The following ITSN1 variants were observed in gnomAD, a reference collection of about 807,000 sequenced individuals.
ITSN1 encodes intersectin-1.
A neutral mutation model predicts 239.8 loss-of-function variants in ITSN1; 58 were observed. The ratio of observed to expected loss-of-function variants is 0.24; its 90% confidence interval spans 0.20 to 0.30. The LOEUF (loss-of-function observed/expected upper bound fraction) is 0.30, where lower values mean the gene tolerates loss of function less well. Ranked by LOEUF, ITSN1 falls within the 10% of genes least tolerant of loss-of-function variation. The pLI is 1.00. For synonymous variants in ITSN1, 780 were observed against 770.8 expected, an observed-to-expected ratio of 1.01 and a Z score of -0.20; for missense variants, 1,558 against 2,103.3, an observed-to-expected ratio of 0.74 and a Z score of 5.07.
intron 5 of ITSN1, among the ~76,000 whole-genome samples, chr21:33,742,745 A>G (rs914167206): frequency 6.6e-6 from 1 of 152,200 alleles, no homozygotes; most frequent in East Asian, 1.9e-4. Flanking sequence ...TACAAAGGAA[A>G]GAGATGGTCC....
At chr21:33,838,063 A>G in intron 29 of ITSN1, 1 of 985,846 alleles carries the variant, frequency 1.0e-6, no homozygotes, top group Non-Finnish European at 1.2e-6. Context: ...TAGACTGTGG[A>G]ATTTCTACAG....
chr21:33,783,363 T>A lies in ITSN1; in HGVS notation c.1824+1230T>A, dbSNP rs147757402. 1.9e-3 allele frequency among the ~76,000 whole-genome samples: 292 copies of A among 152,334 alleles called. 1 individual carries two copies. The highest frequency in any genetic ancestry group is 6.1e-3 in the African/African-American group (254 of 41,578). ...TGTCTAGACATCTGAGTTTGAGGTA[T>A]GTGTGCTGTTCTTTCAGAGTATTAG... On this transcript the variant is annotated intron_variant, in intron 16 of 39. Coordinates refer to ENST00000381318, the MANE Select transcript of ITSN1 (RefSeq NM_003024.3).
chr21:33,834,523 G>A (rs917102752), intron 28 of ITSN1, 99 bp downstream of exon 28: 28 of 843,726 alleles, frequency 3.3e-5, no homozygotes, highest in Non-Finnish European at 5.1e-5. Context: ...TTTTTCACAT[G>A]TGCTTTAAAG....
chr21:33,776,955 C>G (rs2069682529), intron 14 of ITSN1, among the ~76,000 whole-genome samples: 1 of 151,584 alleles, frequency 6.6e-6, no homozygotes, highest in Non-Finnish European at 1.5e-5. Flanking sequence ...GGTGTTCATG[C>G]TTTTTATGTT....
At position 33,894,316 on chromosome 21, in the gene ITSN1, T is replaced by C. The variant is rs1291995552; in HGVS notation, c.*6016T>C. The C allele has an allele frequency of 1.3e-5, 2 of 152,222 alleles. No homozygotes were observed. The highest frequency in any genetic ancestry group is 6.5e-5 in the Admixed American group (1 of 15,278). The allele number at this position is 152,222 out of a possible 1,614,324, so 9.4% of individuals were successfully genotyped here. ...CTTTACCCTGGCCCTGGGGGAGCCA[T>C]ATTACACCCACATCATAATTTTTCT... On this transcript the variant is annotated 3_prime_UTR_variant, in exon 40 of 40. Transcript: ENST00000381318.
chr21:33,775,428 G>C (rs1475682514), intron 14 of ITSN1, among the ~76,000 whole-genome samples: 1 of 152,214 alleles, frequency 6.6e-6, no homozygotes, highest in African/African-American at 2.4e-5. Flanking sequence ...AGTGTGTACT[G>C]TATTAGAAGA....
At chr21:33,830,900 G>T (rs188653451) in intron 27 of ITSN1, among the ~76,000 whole-genome samples, 3,898 of 150,678 alleles carry the variant, frequency 0.026, 43 homozygotes, top group Middle Eastern at 0.065. Flanking sequence ...AGAAGAGGGT[G>T]GGGGGGGAGG....
chr21:33,772,551 T>G (rs1167554216), intron 12 of ITSN1, among the ~76,000 whole-genome samples: 2 of 152,220 alleles, frequency 1.3e-5, no homozygotes, highest in African/African-American at 4.8e-5. Context: ...GCTCCTATCA[T>G]TAATTTTACT....
chr21:33,781,524 C>A lies in ITSN1; in HGVS notation c.1660C>A (p.Gln554Lys). 6.3e-7 allele frequency: 1 copy of A among 1,581,790 alleles called. No individual in the cohort carries two copies. The highest frequency in any genetic ancestry group is 8.6e-7 in the Non-Finnish European group (1 of 1,161,358). ...EKQILNDQLKQVQQNSLHRDS... is the reference protein window; with the variant it reads ...EKQILNDQLKKVQQNSLHRDS... ...ACAGATACTCAATGACCAATTAAAA[C>A]AAGTTCAGCAGAACAGTTTGCACAG... Residue 554 changes from glutamine to lysine, a missense_variant, in exon 15 of 40, where the codon CAA becomes AAA. Physicochemically the swap from Gln to Lys is moderately conservative, Grantham distance 53. Coordinates refer to ENST00000381318, the MANE Select transcript of ITSN1 (RefSeq NM_003024.3).
At chr21:33,787,695 A>G (rs903093116) in intron 16 of ITSN1, among the ~76,000 whole-genome samples, 1 of 152,234 alleles carries the variant, frequency 6.6e-6, no homozygotes, top group Non-Finnish European at 1.5e-5. Context: ...GAAGTCAGGG[A>G]AAAAAATGCT....
chr21:33,813,873 G>A (rs1209979970), intron 21 of ITSN1, 40 bp from the exon 22 acceptor site: 1 of 1,597,836 alleles, frequency 6.3e-7, no homozygotes, highest in African/African-American at 1.3e-5. Context: ...GGTATATTAG[G>A]GAGTGCTTGT....
intron 20 of ITSN1, among the ~76,000 whole-genome samples, chr21:33,808,078 T>TCGGGAGGCTGAGG (rs2072602736): frequency 6.6e-6 from 1 of 151,630 alleles, no homozygotes; most frequent in Admixed American, 6.6e-5. Context: ...TCCCAGCTAC[T>TCGGGAGGCTGAGG]CGGGAGGCTG....
Position 33,813,954 on chromosome 21 carries a change from G to C in ITSN1, c.2609G>C (p.Trp870Ser). Residue 870 changes from tryptophan (W) to serine (S), a missense_variant, in exon 22 of 40, where the codon TGG becomes TCG. Trp to Ser is a radical substitution (Grantham distance 177, BLOSUM62 -3). Around this residue, in one of 2 missense-constraint regions of ITSN1, gnomAD observed 982 missense variants for 1,209.9 expected, o/e 0.81. Transcript: ENST00000381318. The stretch of plus-strand genomic sequence containing the variant: ...AATGAGAAACCAGAAACGGATAACT[G>C]GGATGCATGGGCAGCCCAGCCCTCT... ...STNEKPETDNWDAWAAQPSLT... is the reference protein window; with the variant it reads ...STNEKPETDNSDAWAAQPSLT... 1 of 1,613,888 alleles carries C rather than the reference G, an allele frequency of 6.2e-7. No homozygotes were observed. Among genetic ancestry groups the C allele is most frequent in the Admixed American group, 1.7e-5 (1 of 59,988 alleles).
chr21:33,710,805 G>GTT (rs200155196), intron 1 of ITSN1, among the ~76,000 whole-genome samples: 4 of 136,680 alleles, frequency 2.9e-5, no homozygotes, highest in Non-Finnish European at 4.8e-5. Context: ...GAAGTTTTTT[G>GTT]TTTTTTTTTT....
At position 33,687,211 on chromosome 21, in the gene ITSN1, A is replaced by G. The variant is rs140849773; in HGVS notation, c.-32-31586A>G. 6.4e-3 allele frequency among the ~76,000 whole-genome samples: 965 copies of G among 151,326 alleles called. 11 individuals are homozygous for G. The highest frequency in any genetic ancestry group is 0.023 in the African/African-American group (928 of 41,136). ...GTCAGGCCTCACTCCAGCCTGGGTG[A>G]CAGAGCGAGACTCTGTCTCAAAAGA... On this transcript the variant is annotated intron_variant, in intron 1 of 39. Coordinates refer to ENST00000381318, the MANE Select transcript of ITSN1 (RefSeq NM_003024.3).
chr21:33,783,097 C>A (rs1307063739), intron 16 of ITSN1, among the ~76,000 whole-genome samples: 1 of 152,024 alleles, frequency 6.6e-6, no homozygotes, highest in African/African-American at 2.4e-5. Flanking sequence ...TCATATACTA[C>A]TTTAGATGTA....
Position 33,865,619 on chromosome 21 carries a change from A to T in ITSN1, c.4074+285A>T, listed in dbSNP as rs903208207. Among the ~76,000 whole-genome samples, 42 of 152,176 alleles carry T rather than the reference A, an allele frequency of 2.8e-4. No individual in the cohort carries two copies. The highest frequency in any genetic ancestry group is 3.5e-4 in the Non-Finnish European group (24 of 68,022). ...TTGGTGTTATTTGGATGCATGTTTAAATCTTTCATTTCATTTGCAAGGCCC... is the reference window on the plus strand; with the variant it reads ...TTGGTGTTATTTGGATGCATGTTTATATCTTTCATTTCATTTGCAAGGCCC... On this transcript the variant is annotated intron_variant, in intron 32 of 39. Coordinates refer to ENST00000381318, the MANE Select transcript of ITSN1 (RefSeq NM_003024.3). The surrounding 1 kb of genome is among the most constrained non-coding windows in gnomAD (Gnocchi z 4.4).
At chr21:33,853,091 T>A (rs988306689) in intron 29 of ITSN1, among the ~76,000 whole-genome samples, 1 of 152,210 alleles carries the variant, frequency 6.6e-6, no homozygotes, top group Non-Finnish European at 1.5e-5. Flanking sequence ...CTCCCATGGG[T>A]CAATTTGATG....
intron 1 of ITSN1, among the ~76,000 whole-genome samples, chr21:33,681,195 A>G (rs1375556573): frequency 1.3e-5 from 2 of 152,080 alleles, no homozygotes; most frequent in African/African-American, 4.8e-5. Flanking sequence ...TAACAGTACT[A>G]TGTGTTTGTA....
Sources: allele counts gnomAD v4.1 joint callset (sites outside exome capture counted in the v4.1 genomes callset), GRCh38; gene constraint gnomAD v4.1.1; regional missense constraint gnomAD v4.1.1; non-coding constraint Gnocchi (gnomAD v3.1); transcripts MANE v1.5; gene names NCBI Gene and HGNC (gene_info 2026-07-23, HGNC 2026-07-21).